The following EEF1A1 variants were observed in gnomAD, a reference collection of about 807,000 sequenced individuals.
EEF1A1 encodes eukaryotic translation elongation factor 1 alpha 1.
EEF1A1 carries 1 observed loss-of-function variant against 38.5 expected under a neutral mutation model. The observed-to-expected ratio is 0.03, with a 90% CI of 0.01 to 0.12. EEF1A1 has a LOEUF of 0.12. Ranked by LOEUF, EEF1A1 falls within the 10% of genes least tolerant of loss-of-function variation. The pLI, the probability that EEF1A1 is intolerant of heterozygous loss-of-function variation, is 1.00. For missense variants in EEF1A1, 184 were observed against 588.3 expected (o/e 0.31, Z 7.11); for synonymous variants, 229 against 203.7 (o/e 1.12, Z -1.06).
rs946631132 is a variant in EEF1A1 at position 73,516,026 on chromosome 6, G to GT, written c.*1783dup. 6.6e-6 allele frequency: 1 copy of GT among 152,174 alleles called. No individual in the cohort carries two copies. The highest frequency in any genetic ancestry group is 1.5e-5 in the Non-Finnish European group (1 of 68,040). The allele number at this position is 152,174 out of a possible 1,614,324, so 9.4% of individuals were successfully genotyped here. A position where few individuals can be genotyped will look rare whatever the true frequency, so the allele number is the denominator to read the frequency against. On this transcript the variant is annotated 3_prime_UTR_variant, in exon 8 of 8. Transcript: ENST00000309268. ...TGGCCATCTATTAAAGGCCTTACCT[G>GT]TTTTTTCTGTCATCCAGCAAATCTT...
At chr6:73,519,272 A>T in intron 3 of EEF1A1, 44 bp from the exon 4 acceptor site, 1 of 1,606,358 alleles carries the variant, frequency 6.2e-7, no homozygotes, top group East Asian at 2.2e-5. Flanking sequence ...TCTCCAAATG[A>T]CAAAACCAGT....
At chr6:73,519,575 C>G (rs772978459) in intron 2 of EEF1A1, 59 bp from the exon 3 acceptor site, 35 of 1,514,728 alleles carry the variant, frequency 2.3e-5, no homozygotes, top group Non-Finnish European at 2.9e-5. Context: ...CTTCAATTTC[C>G]TTGTCCCCAG....
chr6:73,517,601 AAACT>A lies in EEF1A1; in HGVS notation c.*205_*208del. 1 of 429,276 alleles carries A rather than the reference AAACT, an allele frequency of 2.3e-6. No individual in the cohort carries two copies. The highest frequency in any genetic ancestry group is 5.2e-5 in the South Asian group (1 of 19,310). The allele number at this position is 429,276 out of a possible 1,614,324, so 26.6% of individuals were successfully genotyped here. ...TTCCATTAAAAAGTACTGATTTTAA[AAACT>A]AATAACTTAAAACTGCCACACGCAA... is the stretch of plus-strand genomic sequence containing the variant. On this transcript the variant is annotated 3_prime_UTR_variant, in exon 8 of 8. Coordinates refer to ENST00000309268, the MANE Select transcript of EEF1A1 (RefSeq NM_001402.6).
intron 2 of EEF1A1, 102 bp downstream of exon 2, chr6:73,519,781 C>A (rs936961812): frequency 1.3e-6 from 2 of 1,502,758 alleles, no homozygotes; most frequent in Non-Finnish European, 1.8e-6. Flanking sequence ...TAACTATTAG[C>A]ATTCAGATCT....
At chr6:73,520,536 A>T (rs1765629597) in intron 1 of EEF1A1, 1 of 152,084 alleles carries the variant, frequency 6.6e-6, no homozygotes. Flanking sequence ...CCAGCTTGAG[A>T]CTACCCCCGT....
At chr6:73,520,143 A>G (rs1765616109) in intron 1 of EEF1A1, 87 bp from the exon 2 acceptor site, 4 of 1,300,226 alleles carry the variant, frequency 3.1e-6, no homozygotes, top group Non-Finnish European at 4.2e-6. Flanking sequence ...AATTCCAAGG[A>G]GAATTACATC....
Position 73,516,050 on chromosome 6 carries a change from TTA to T in EEF1A1, c.*1758_*1759del, listed in dbSNP as rs1491555523. The stretch of plus-strand genomic sequence containing the variant: ...TGTTTTTTCTGTCATCCAGCAAATC[TTA>T]GACTATTTACTTGTGTAAACATTAG... On this transcript the variant is annotated 3_prime_UTR_variant, in exon 8 of 8. Transcript: ENST00000309268. 1 of 152,240 alleles carries T rather than the reference TTA, an allele frequency of 6.6e-6. No individual in the cohort carries two copies. Among genetic ancestry groups the T allele is most frequent in the African/African-American group, 2.4e-5 (1 of 41,452 alleles). The allele number at this position is 152,240 out of a possible 1,614,324, so 9.4% of individuals were successfully genotyped here. A position where few individuals can be genotyped will look rare whatever the true frequency, so the allele number is the denominator to read the frequency against.
intron 2 of EEF1A1, 50 bp downstream of exon 2, chr6:73,519,833 C>T: frequency 6.2e-7 from 1 of 1,607,240 alleles, no homozygotes; most frequent in South Asian, 1.1e-5. Context: ...AATGATTCTG[C>T]TGGTAAAACT....
In EEF1A1 at chr6:73,516,198, T is replaced by C. The variant is rs1765509130; in HGVS notation, c.*1612A>G. The C allele has an allele frequency of 6.6e-6, 1 of 151,178 alleles. No individual in the cohort carries two copies. Among genetic ancestry groups the C allele is most frequent in the African/African-American group, 2.4e-5 (1 of 41,332 alleles). 9.4% of individuals were successfully genotyped at this position (151,178 alleles called of 1,614,324 possible). On this transcript the variant is annotated 3_prime_UTR_variant, in exon 8 of 8. Coordinates refer to ENST00000309268, the MANE Select transcript of EEF1A1 (RefSeq NM_001402.6). ...TCAGATGAGGGAAAACGATAACACT[T>C]CATTACAGACTTGTCTATGGCCAAT... is the stretch of plus-strand genomic sequence containing the variant.
chr6:73,516,062 C>T lies in EEF1A1; in HGVS notation c.*1748G>A, dbSNP rs1009309438. ...CATCCAGCAAATCTTAGACTATTTACTTGTGTAAACATTAGATAGCAAAGA... is the reference window on the plus strand; with the variant it reads ...CATCCAGCAAATCTTAGACTATTTATTTGTGTAAACATTAGATAGCAAAGA... On this transcript the variant is annotated 3_prime_UTR_variant, in exon 8 of 8. Transcript: ENST00000309268. 2 of 152,196 alleles carry T rather than the reference C, an allele frequency of 1.3e-5. No homozygotes were observed. Among genetic ancestry groups the T allele is most frequent in the Admixed American group, 6.5e-5 (1 of 15,272 alleles). The allele number at this position is 152,196 out of a possible 1,614,324, so 9.4% of individuals were successfully genotyped here. A position where few individuals can be genotyped will look rare whatever the true frequency, so the allele number is the denominator to read the frequency against.
rs755049275 is a variant in EEF1A1, at chr6:73,517,793, G to A, written c.*17C>T. ...ACCACTGATTAAGAGTGGGGTGGCA[G>A]GTATTAGGGATAATATTCATTTAGC... On this transcript the variant is annotated 3_prime_UTR_variant, in exon 8 of 8. Transcript: ENST00000309268. 4.3e-6 allele frequency: 6 copies of A among 1,380,066 alleles called. No individual in the cohort carries two copies. The highest frequency in any genetic ancestry group is 3.7e-5 in the South Asian group (3 of 80,058). The allele number at this position is 1,380,066 out of a possible 1,614,324, so 85.5% of individuals were successfully genotyped here.
rs1268823666 is a variant in EEF1A1 at position 73,519,484 on chromosome 6, G to A, written c.177C>T (p.Val59=). The A allele has an allele frequency of 1.3e-6, 2 of 1,598,980 alleles. No homozygotes were observed. Among genetic ancestry groups the A allele is most frequent in the East Asian group, 2.2e-5 (1 of 44,856 alleles). ...MGKGSFKYAW[V]LDKLKAERER... ...CACGCTCAGCTTTCAGTTTATCCAA[G>A]ACCCAGGCATACTTGAAGGAGCCCT... is the stretch of plus-strand genomic sequence containing the variant. Residue 59 remains valine (V), a synonymous_variant, in exon 3 of 8, where the codon GTC becomes GTT. Transcript: ENST00000309268.
Position 73,520,038 on chromosome 6 carries a change from G to C in EEF1A1, c.-12C>G. The C allele has an allele frequency of 6.3e-7, 1 of 1,587,892 alleles. No homozygotes were observed. Among genetic ancestry groups the C allele is most frequent in the Non-Finnish European group, 8.5e-7 (1 of 1,176,746 alleles). On this transcript the variant is annotated 5_prime_UTR_variant, in exon 2 of 8. Coordinates refer to ENST00000309268, the MANE Select transcript of EEF1A1 (RefSeq NM_001402.6). Reference sequence around the variant, plus strand: ...TTTTCCTTTCCCATTTTGGCTTTTAGGGGTAGTTTTCACGACACCTGAAAT... The same window carrying C: ...TTTTCCTTTCCCATTTTGGCTTTTACGGGTAGTTTTCACGACACCTGAAAT...
chr6:73,516,060 T>A lies in EEF1A1; in HGVS notation c.*1750A>T, dbSNP rs1311711601. On this transcript the variant is annotated 3_prime_UTR_variant, in exon 8 of 8. Transcript: ENST00000309268. ...GTCATCCAGCAAATCTTAGACTATT[T>A]ACTTGTGTAAACATTAGATAGCAAA... 6.6e-6 allele frequency: 1 copy of A among 152,244 alleles called. No individual in the cohort carries two copies. The highest frequency in any genetic ancestry group is 2.4e-5 in the African/African-American group (1 of 41,470). 9.4% of individuals were successfully genotyped at this position (152,244 alleles called of 1,614,324 possible). A position where few individuals can be genotyped will look rare whatever the true frequency, so the allele number is the denominator to read the frequency against.
intron 1 of EEF1A1, 128 bp from the exon 2 acceptor site, chr6:73,520,184 ACC>A: frequency 2.4e-6 from 2 of 838,044 alleles, no homozygotes; most frequent in Non-Finnish European, 3.6e-6. Context: ...TTCAGTCTCC[ACC>A]CACTCAGTGT....
chr6:73,520,484 G>A (rs1765627262), intron 1 of EEF1A1: 1 of 154,612 alleles, frequency 6.5e-6, no homozygotes, highest in Non-Finnish European at 1.4e-5. Flanking sequence ...CCAGGGCGGG[G>A]CGATACACGG....
At position 73,517,103 on chromosome 6, in the gene EEF1A1, A is replaced by T. The variant is rs1031782723; in HGVS notation, c.*707T>A. 1 of 152,238 alleles carries T rather than the reference A, an allele frequency of 6.6e-6. No homozygotes were observed. Among genetic ancestry groups the T allele is most frequent in the Non-Finnish European group, 1.5e-5 (1 of 68,102 alleles). The allele number at this position is 152,238 out of a possible 1,614,324, so 9.4% of individuals were successfully genotyped here. A position where few individuals can be genotyped will look rare whatever the true frequency, so the allele number is the denominator to read the frequency against. On this transcript the variant is annotated 3_prime_UTR_variant, in exon 8 of 8. Coordinates refer to ENST00000309268, the MANE Select transcript of EEF1A1 (RefSeq NM_001402.6). ...AGGGTGTACACTAGCCACTACACTTATTTCTTATGTCATGGCAAATAGTCA... is the reference window on the plus strand; with the variant it reads ...AGGGTGTACACTAGCCACTACACTTTTTTCTTATGTCATGGCAAATAGTCA...
At chr6:73,520,612 C>G (rs1418776540) in intron 1 of EEF1A1, 1 of 152,550 alleles carries the variant, frequency 6.6e-6, no homozygotes, top group Non-Finnish European at 1.5e-5. Flanking sequence ...ACGCACGGGC[C>G]CCGTCGCCGC....
At chr6:73,518,307 A>G (rs1171014015) in intron 6 of EEF1A1, 43 bp from the exon 7 acceptor site, 1 of 1,610,982 alleles carries the variant, frequency 6.2e-7, no homozygotes, top group Non-Finnish European at 8.5e-7. Context: ...CAAAGTCTCA[A>G]ATGACTTTAG....
Sources: gnomAD v4.1 joint callset for allele counts on GRCh38, gnomAD v4.1.1 for gene constraint, MANE v1.5 for transcripts, NCBI Gene and HGNC (gene_info 2026-07-23, HGNC 2026-07-21) for gene names.